COX7A2L: variants seen among roughly 807,000 people sequenced by gnomAD.
COX7A2L encodes cytochrome c oxidase subunit 7A2-like, mitochondrial.
Under a neutral mutation model 14.2 loss-of-function variants are expected in COX7A2L, and 18 were observed. That is an observed-to-expected ratio of 1.27 (90% CI 0.88 to 1.88). The LOEUF is 1.88. Ranked by LOEUF, COX7A2L falls within the 40% of genes most tolerant of loss-of-function variation. COX7A2L has a pLI of 0.00. For synonymous variants in COX7A2L, 65 were observed against 57.4 expected (o/e 1.13, Z -0.60); for missense variants, 179 against 138.8 (o/e 1.29, Z -1.46).
chr2:42,357,102 TAA>T (rs1255256070), intron 1 of COX7A2L, among the ~76,000 whole-genome samples: 1 of 152,246 alleles, frequency 6.6e-6, no homozygotes, highest in Non-Finnish European at 1.5e-5. Context: ...TCCAAATTTT[TAA>T]AGAGAAAAGT....
chr2:42,350,690 T>C lies in COX7A2L; in HGVS notation c.*529A>G, dbSNP rs1463486157. The C allele has an allele frequency of 6.6e-6, 1 of 152,226 alleles. No homozygotes were observed. Among genetic ancestry groups the C allele is most frequent in the Admixed American group, 6.5e-5 (1 of 15,282 alleles). The allele number at this position is 152,226 out of a possible 1,614,324, so 9.4% of individuals were successfully genotyped here. ...ATTACACATAAGATTTCACTAAAGA[T>C]AGGAGATGAGGCAAATAACCCTTTG... On this transcript the variant is annotated 3_prime_UTR_variant, in exon 3 of 3. Coordinates refer to ENST00000234301, the MANE Select transcript of COX7A2L (RefSeq NM_004718.4).
At position 42,350,391 on chromosome 2, in the gene COX7A2L, A is replaced by G. The variant is rs577002092; in HGVS notation, c.*828T>C. ...ACTAGACTTTTAAGAACCATTTTAT[A>G]AAGATTATCTGGTGCCTAATTAACA... On this transcript the variant is annotated 3_prime_UTR_variant, in exon 3 of 3. Transcript: ENST00000234301. 6.6e-6 allele frequency: 1 copy of G among 152,342 alleles called. No individual in the cohort carries two copies. The highest frequency in any genetic ancestry group is 6.5e-5 in the Admixed American group (1 of 15,308). The allele number at this position is 152,342 out of a possible 1,614,324, so 9.4% of individuals were successfully genotyped here.
downstream of COX7A2L, among the ~76,000 whole-genome samples, chr2:42,344,426 A>G (rs530015276): frequency 6.6e-6 from 1 of 152,348 alleles, no homozygotes; most frequent in African/African-American, 2.4e-5. Context: ...GTAACACTCT[A>G]AAATTGAAAT....
At chr2:42,341,481 G>C (rs1287946456) in intron 2 of COX7A2L, among the ~76,000 whole-genome samples, 1 of 152,164 alleles carries the variant, frequency 6.6e-6, no homozygotes, top group East Asian at 1.9e-4. Context: ...CACAGCCATG[G>C]GATTGCTTTT....
chr2:42,345,915 G>T (rs967064524), downstream of COX7A2L, among the ~76,000 whole-genome samples: 4 of 152,158 alleles, frequency 2.6e-5, no homozygotes, highest in African/African-American at 4.8e-5. Flanking sequence ...GAGAAGAGAC[G>T]AGCCGGTGAG....
In COX7A2L at chr2:42,338,777, A is replaced by G. The variant is rs764686532; in HGVS notation, c.193-4908T>C. Among the ~76,000 whole-genome samples the G allele has an allele frequency of 4.6e-5, 7 of 152,260 alleles. No individual in the cohort carries two copies. Among genetic ancestry groups the G allele is most frequent in the Non-Finnish European group, 8.8e-5 (6 of 68,042 alleles). The stretch of plus-strand genomic sequence containing the variant: ...CTCACAGGGAGAATTACTGCTTCCC[A>G]TGAAAGCATTTTCCAGTGAGTGGAG... On this transcript the variant is annotated intron_variant, in intron 2 of 2. Transcript: ENST00000468711. The surrounding 1 kb of genome is among the most constrained non-coding windows in gnomAD (Gnocchi z 4.4).
upstream of COX7A2L, among the ~76,000 whole-genome samples, chr2:42,365,419 G>A (rs943075028): frequency 3.9e-4 from 59 of 152,128 alleles, no homozygotes; most frequent in Admixed American, 6.5e-4. Context: ...CTGACATCAG[G>A]AGTTCGGGAC....
rs555410694 is a variant in COX7A2L, at chr2:42,353,253, C to A, written c.163G>T (p.Ala55Ser). 1.2e-6 allele frequency: 2 copies of A among 1,614,128 alleles called. No individual in the cohort carries two copies. The highest frequency in any genetic ancestry group is 2.2e-5 in the East Asian group (1 of 44,888). The change falls in exon 2 of 3, where the codon GCT becomes TCT. Residue 55 changes from alanine (A) to serine (S), a missense_variant. By Grantham distance (99) the Ala-to-Ser change is moderately conservative. Transcript: ENST00000234301. ...AGCTCTGGAACTTTGTTTTTCCCAG[C>A]ATAATCATACACTGTGGAATCGGAG... is the stretch of plus-strand genomic sequence containing the variant. ...LTSDSTVYDY[A>S]GKNKVPELQK...
At chr2:42,358,824 G>A (rs1670915207) in intron 1 of COX7A2L, among the ~76,000 whole-genome samples, 1 of 152,114 alleles carries the variant, frequency 6.6e-6, no homozygotes, top group African/African-American at 2.4e-5. Context: ...CCTAGATTAT[G>A]CTGAAGATAT....
Position 42,353,468 on chromosome 2 carries a change from C to CTG in COX7A2L, c.73-127_73-126dup, listed in dbSNP as rs1454589974. ...CTCTCCAACTTTCCCAGAGCAAACCCTGTCAAGAACCCCTTGCCATTACGA... is the reference window on the plus strand; with the variant it reads ...CTCTCCAACTTTCCCAGAGCAAACCCTGTGTCAAGAACCCCTTGCCATTACGA... On this transcript the variant is annotated intron_variant, in intron 1 of 2. Coordinates refer to ENST00000234301, the MANE Select transcript of COX7A2L (RefSeq NM_004718.4). 2.6e-5 allele frequency: 33 copies of CTG among 1,255,156 alleles called. No individual in the cohort carries two copies. The African/African-American group carries it at 5.1e-4, about 19-fold the overall frequency. The allele number at this position is 1,255,156 out of a possible 1,614,324, so 77.8% of individuals were successfully genotyped here.
At chr2:42,363,024 G>A (rs539210936), upstream of COX7A2L, among the ~76,000 whole-genome samples, 8 of 151,878 alleles carry the variant, frequency 5.3e-5, no homozygotes, top group South Asian at 2.1e-4. Flanking sequence ...ACAGATGCGC[G>A]CCACCACGCC....
At chr2:42,363,400 T>C (rs2103918563), upstream of COX7A2L, among the ~76,000 whole-genome samples, 1 of 152,322 alleles carries the variant, frequency 6.6e-6, no homozygotes, top group Non-Finnish European at 1.5e-5. Context: ...GGACATATTT[T>C]GGAAGAAGAA....
In COX7A2L at chr2:42,338,293, C is replaced by CCT. The variant is rs1476195674; in HGVS notation, c.193-4426_193-4425dup. ...GATGCCCTCTCCTGAAGCCATCCAGCCTCTGCCTTTCCTTGCGTGTCTGGG... is the reference window on the plus strand; with the variant it reads ...GATGCCCTCTCCTGAAGCCATCCAGCCTCTCTGCCTTTCCTTGCGTGTCTGGG... On this transcript the variant is annotated intron_variant, in intron 2 of 2. Coordinates refer to the COX7A2L transcript ENST00000468711. This position sits in a 1 kb window ranked among gnomAD's most constrained non-coding sequence, Gnocchi z 4.4. 6.6e-6 allele frequency among the ~76,000 whole-genome samples: 1 copy of CCT among 152,220 alleles called. No homozygotes were observed. Among genetic ancestry groups the CCT allele is most frequent in the East Asian group, 1.9e-4 (1 of 5,188 alleles).
rs1181503086 is a variant in COX7A2L, at chr2:42,339,845, A to T, written c.193-5976T>A. ...ACTTTGGTTTGGTTTTAGCTTTTACATGAATGGAACCCCAAGTGTGCTCTC... is the reference window on the plus strand; with the variant it reads ...ACTTTGGTTTGGTTTTAGCTTTTACTTGAATGGAACCCCAAGTGTGCTCTC... On this transcript the variant is annotated intron_variant, in intron 2 of 2. Coordinates refer to the COX7A2L transcript ENST00000468711. The surrounding 1 kb of genome is among the most constrained non-coding windows in gnomAD (Gnocchi z 5.4). 6.6e-6 allele frequency among the ~76,000 whole-genome samples: 1 copy of T among 152,028 alleles called. No homozygotes were observed. Among genetic ancestry groups the T allele is most frequent in the Non-Finnish European group, 1.5e-5 (1 of 67,998 alleles).
At chr2:42,343,009 T>C (rs1467124679) in intron 2 of COX7A2L, among the ~76,000 whole-genome samples, 2 of 152,042 alleles carry the variant, frequency 1.3e-5, no homozygotes, top group South Asian at 4.1e-4. Flanking sequence ...CTGCAAGTGA[T>C]CGTCCCACTC....
At position 42,338,228 on chromosome 2, in the gene COX7A2L, G is replaced by T. The variant is rs560931958; in HGVS notation, c.193-4359C>A. 1.3e-5 allele frequency among the ~76,000 whole-genome samples: 2 copies of T among 152,186 alleles called. No homozygotes were observed. The highest frequency in any genetic ancestry group is 2.4e-5 in the African/African-American group (1 of 41,442). Reference sequence around the variant, plus strand: ...CGCAGCGGCCAGGGAGCCGCTCCTCGTCTTGCTTCCGGTTGATGTGTCGTT... The same window carrying T: ...CGCAGCGGCCAGGGAGCCGCTCCTCTTCTTGCTTCCGGTTGATGTGTCGTT... On this transcript the variant is annotated intron_variant, in intron 2 of 2. Transcript: ENST00000468711. The surrounding 1 kb of genome is among the most constrained non-coding windows in gnomAD (Gnocchi z 4.4).
At position 42,340,184 on chromosome 2, in the gene COX7A2L, C is replaced by T. The variant is rs137874658; in HGVS notation, c.193-6315G>A. ...TTGTTTACCCCCAGGTTCTGTACTC[C>T]ACTCCCCACTCACCCAGAAGCCAAG... On this transcript the variant is annotated intron_variant, in intron 2 of 2. Coordinates refer to the COX7A2L transcript ENST00000468711. 3.3e-3 allele frequency among the ~76,000 whole-genome samples: 506 copies of T among 152,218 alleles called. 1 individual carries two copies. Among genetic ancestry groups the T allele is most frequent in the Admixed American group, 6.5e-3 (100 of 15,292 alleles).
chr2:42,342,616 T>C lies in COX7A2L; in HGVS notation c.193-8747A>G, dbSNP rs1670421706. On this transcript the variant is annotated intron_variant, in intron 2 of 2. Coordinates refer to the COX7A2L transcript ENST00000468711. This position sits in a 1 kb window ranked among gnomAD's most constrained non-coding sequence, Gnocchi z 4.9. Reference sequence around the variant, plus strand: ...TCAGCAAAGATTCCAATCTGGCTAATACACATTAGGCAGTGTAGAGACCTG... The same window carrying C: ...TCAGCAAAGATTCCAATCTGGCTAACACACATTAGGCAGTGTAGAGACCTG... 6.6e-6 allele frequency among the ~76,000 whole-genome samples: 1 copy of C among 152,174 alleles called. No individual in the cohort carries two copies. The highest frequency in any genetic ancestry group is 1.5e-5 in the Non-Finnish European group (1 of 68,028).
chr2:42,343,852 T>C (rs955336922), intron 2 of COX7A2L, among the ~76,000 whole-genome samples: 10 of 152,048 alleles, frequency 6.6e-5, no homozygotes, highest in Non-Finnish European at 1.3e-4. Context: ...AAAAAGCAGA[T>C]AAATAAACGA....
Sources: allele counts gnomAD v4.1 joint callset (sites outside exome capture counted in the v4.1 genomes callset), GRCh38; gene constraint gnomAD v4.1.1; non-coding constraint Gnocchi (gnomAD v3.1); transcripts MANE v1.5; gene names NCBI Gene and HGNC (gene_info 2026-07-23, HGNC 2026-07-21).